Variants in CPEB3 observed in about 807,000 individuals in gnomAD.
CPEB3 encodes cytoplasmic polyadenylation element binding protein 3.
In CPEB3, 20 loss-of-function variants were observed where a neutral mutation model predicts 67.2. That is an observed-to-expected ratio of 0.30 (90% CI 0.21 to 0.43). The LOEUF (loss-of-function observed/expected upper bound fraction) is 0.43. Ranked by LOEUF, CPEB3 falls within the 20% of genes least tolerant of loss-of-function variation. The pLI, the probability that CPEB3 is intolerant of heterozygous loss-of-function variation, is 1.00. For missense variants in CPEB3, 746 were observed against 968.6 expected, an observed-to-expected ratio of 0.77 and a Z score of 3.05; for synonymous variants, 376 against 393.1, an observed-to-expected ratio of 0.96 and a Z score of 0.51.
intron 9 of CPEB3, among the ~76,000 whole-genome samples, chr10:92,070,661 C>T (rs1842716939): frequency 6.6e-6 from 1 of 151,964 alleles, no homozygotes; most frequent in African/African-American, 2.4e-5. Flanking sequence ...CCTGTAATCC[C>T]AGCTACTCCG....
chr10:92,266,609 A>G (rs950396107), intron 1 of CPEB3, among the ~76,000 whole-genome samples: 1 of 152,250 alleles, frequency 6.6e-6, no homozygotes, highest in Admixed American at 6.6e-5. Context: ...CTTATCCTAC[A>G]ATGGGAAGCG....
At chr10:92,122,668 T>C (rs918437035) in intron 6 of CPEB3, among the ~76,000 whole-genome samples, 2 of 152,218 alleles carry the variant, frequency 1.3e-5, no homozygotes, top group Non-Finnish European at 2.9e-5. Flanking sequence ...CTAAGAAGTA[T>C]TTTTGTAAAC....
At chr10:92,195,046 A>AACAC (rs371911549) in intron 2 of CPEB3, among the ~76,000 whole-genome samples, 7,968 of 117,076 alleles carry the variant, frequency 0.068, 671 homozygotes, top group African/African-American at 0.19. Flanking sequence ...TGTCTCAAAA[A>AACAC]ACACACACAC....
intron 7 of CPEB3, among the ~76,000 whole-genome samples, chr10:92,104,217 C>T (rs888680068): frequency 2.6e-5 from 4 of 152,060 alleles, no homozygotes; most frequent in African/African-American, 4.8e-5. Flanking sequence ...CACCTATTAC[C>T]ATTATGAGGA....
At chr10:92,086,590 C>T (rs1041242917) in intron 8 of CPEB3, among the ~76,000 whole-genome samples, 13 of 152,204 alleles carry the variant, frequency 8.5e-5, no homozygotes, top group African/African-American at 3.1e-4. Flanking sequence ...CACTTACAAT[C>T]TCACAGGGTC....
intron 1 of CPEB3, among the ~76,000 whole-genome samples, chr10:92,250,652 A>G (rs1852253081): frequency 6.6e-6 from 1 of 151,800 alleles, no homozygotes; most frequent in Admixed American, 6.6e-5. Context: ...TGCCCTATAC[A>G]TGTGTACCTT....
At chr10:92,213,799 G>A (rs1318997727) in intron 2 of CPEB3, among the ~76,000 whole-genome samples, 1 of 152,102 alleles carries the variant, frequency 6.6e-6, no homozygotes, top group African/African-American at 2.4e-5. Flanking sequence ...AAATCTCCTA[G>A]TCTAGAGCTA....
At chr10:92,192,424 C>A in intron 3 of CPEB3, 53 bp downstream of exon 3, 1 of 1,500,914 alleles carries the variant, frequency 6.7e-7, no homozygotes, top group South Asian at 1.3e-5. Flanking sequence ...TATTAAAAAG[C>A]TGATTTTTGC....
At chr10:92,125,944 G>C (rs1845593192) in intron 6 of CPEB3, among the ~76,000 whole-genome samples, 1 of 152,008 alleles carries the variant, frequency 6.6e-6, no homozygotes, top group Non-Finnish European at 1.5e-5. Flanking sequence ...GACTGGTCTT[G>C]AACTCCTGGG....
intron 4 of CPEB3, among the ~76,000 whole-genome samples, chr10:92,155,660 T>G (rs1847172787): frequency 6.6e-6 from 1 of 152,222 alleles, no homozygotes; most frequent in African/African-American, 2.4e-5. Context: ...TTTTAGCATT[T>G]GCACTTCTCT....
intron 9 of CPEB3, among the ~76,000 whole-genome samples, chr10:92,059,252 G>T (rs1379788847): frequency 1.4e-5 from 2 of 146,392 alleles, no homozygotes; most frequent in African/African-American, 5.1e-5. Flanking sequence ...TTGAACCTGG[G>T]AGGTGGAGGT....
chr10:92,254,034 C>T (rs1852417677), intron 1 of CPEB3, among the ~76,000 whole-genome samples: 1 of 151,968 alleles, frequency 6.6e-6, no homozygotes, highest in Non-Finnish European at 1.5e-5. Flanking sequence ...TTTGAGACCA[C>T]CTTAGGCAAT....
At chr10:92,138,298 A>C (rs1167476784) in intron 6 of CPEB3, 2 of 219,312 alleles carry the variant, frequency 9.1e-6, no homozygotes, top group East Asian at 2.1e-4. Flanking sequence ...AGACAAGAGG[A>C]CTCTTTAAGA....
At chr10:92,206,631 T>A (rs1849805511) in intron 2 of CPEB3, among the ~76,000 whole-genome samples, 1 of 152,222 alleles carries the variant, frequency 6.6e-6, no homozygotes, top group Non-Finnish European at 1.5e-5. Context: ...TATTTATTTA[T>A]GTTCATATCT....
At chr10:92,115,465 A>C (rs1389988628) in intron 6 of CPEB3, among the ~76,000 whole-genome samples, 2 of 152,192 alleles carry the variant, frequency 1.3e-5, no homozygotes, top group Non-Finnish European at 2.9e-5. Context: ...ACTTAGATTT[A>C]TATTCCCTGA....
At chr10:92,115,898 T>C (rs1261059382) in intron 6 of CPEB3, among the ~76,000 whole-genome samples, 1 of 152,234 alleles carries the variant, frequency 6.6e-6, no homozygotes, top group Admixed American at 6.5e-5. Context: ...GGTCCAAATA[T>C]AATTCTGTCC....
intron 2 of CPEB3, among the ~76,000 whole-genome samples, chr10:92,208,696 C>A (rs1304772963): frequency 2.6e-5 from 4 of 151,732 alleles, no homozygotes; most frequent in Non-Finnish European, 4.4e-5. Context: ...CAGGTTCAAG[C>A]CATTCTCATG....
chr10:92,185,362 G>A (rs1405439918), intron 3 of CPEB3, among the ~76,000 whole-genome samples: 1 of 152,154 alleles, frequency 6.6e-6, no homozygotes, highest in East Asian at 1.9e-4. Context: ...CTGATAAATA[G>A]GGGTGAGAGG....
intron 2 of CPEB3, among the ~76,000 whole-genome samples, chr10:92,224,255 T>C (rs1850853628): frequency 6.6e-6 from 1 of 152,170 alleles, no homozygotes; most frequent in Non-Finnish European, 1.5e-5. Flanking sequence ...CCACGTTAAC[T>C]GGTTTCCCGA....
Sources: gnomAD v4.1 joint callset for allele counts (sites outside exome capture counted in the v4.1 genomes callset) on GRCh38, gnomAD v4.1.1 for gene constraint, MANE v1.5 for transcripts, NCBI Gene and HGNC (gene_info 2026-07-23, HGNC 2026-07-21) for gene names.